The following NXPE4 variants were observed in gnomAD, a reference collection of about 807,000 sequenced individuals.
The protein encoded by NXPE4 is neurexophilin and PC-esterase domain family member 4, also known as NXPE family member 4.
A neutral mutation model predicts 33.3 loss-of-function variants in NXPE4; 42 were observed. The ratio of observed to expected loss-of-function variants is 1.26; its 90% CI spans 0.98 to 1.63. The LOEUF (loss-of-function observed/expected upper bound fraction) is 1.63. Ranked by LOEUF, NXPE4 falls within the 40% of genes most tolerant of loss-of-function variation. The probability of loss-of-function intolerance (pLI) is 0.00; values close to 1 mark genes in which losing one functional copy is unlikely to be tolerated. For missense variants in NXPE4, 709 were observed against 647.6 expected (o/e 1.09, Z -1.03); for synonymous variants, 253 against 234.9 (o/e 1.08, Z -0.71).
chr11:114,645,978 A>G, the NXPE4 span, among the ~76,000 whole-genome samples: 3 of 152,084 alleles, frequency 2.0e-5, no homozygotes, highest in Non-Finnish European at 4.4e-5. Context: ...ATAGCCTTTG[A>G]CTCAGCATTT....
the NXPE4 span, among the ~76,000 whole-genome samples, chr11:114,611,535 T>C: frequency 6.6e-6 from 1 of 151,902 alleles, no homozygotes; most frequent in Admixed American, 6.6e-5. Flanking sequence ...ACCCGGTTTA[T>C]AATAAGTGTT....
the NXPE4 span, among the ~76,000 whole-genome samples, chr11:114,630,434 A>T: frequency 6.6e-6 from 1 of 151,874 alleles, no homozygotes; most frequent in Non-Finnish European, 1.5e-5. Flanking sequence ...AGTATTCCCT[A>T]TTTAATAAAT....
chr11:114,621,150 C>CT, the NXPE4 span, among the ~76,000 whole-genome samples: 13 of 152,306 alleles, frequency 8.5e-5, no homozygotes, highest in Admixed American at 3.9e-4. Context: ...TGGGTAAACA[C>CT]TGTTACCCAG....
chr11:114,623,096 T>A, the NXPE4 span, among the ~76,000 whole-genome samples: 2 of 152,116 alleles, frequency 1.3e-5, no homozygotes, highest in Non-Finnish European at 2.9e-5. Flanking sequence ...ATAATTAGCG[T>A]TGCCTGGCGG....
chr11:114,654,065 C>A, the NXPE4 span, among the ~76,000 whole-genome samples: 1 of 152,092 alleles, frequency 6.6e-6, no homozygotes, highest in African/African-American at 2.4e-5. Context: ...GACAATGATA[C>A]AAAGTGGTGA....
chr11:114,594,973 A>C (rs951672972), intron 1 of NXPE4, among the ~76,000 whole-genome samples: 2 of 152,180 alleles, frequency 1.3e-5, no homozygotes, highest in Middle Eastern at 3.4e-3. Context: ...TGTACATTCT[A>C]CAGAACAGAT....
chr11:114,591,242 G>A (rs1001195665), intron 2 of NXPE4, among the ~76,000 whole-genome samples: 1 of 152,276 alleles, frequency 6.6e-6, no homozygotes, highest in East Asian at 1.9e-4. Context: ...CTTGAATTAA[G>A]CAAGGGAAAG....
intron 5 of NXPE4, among the ~76,000 whole-genome samples, chr11:114,573,135 T>C (rs1281408171): frequency 6.6e-6 from 1 of 152,108 alleles, no homozygotes; most frequent in African/African-American, 2.4e-5. Flanking sequence ...GAAGAAAAGA[T>C]AGTCTTTTCG....
chr11:114,659,947 G>A, the NXPE4 span, among the ~76,000 whole-genome samples: 1 of 152,154 alleles, frequency 6.6e-6, no homozygotes, highest in Non-Finnish European at 1.5e-5. Context: ...GGCACAAAGT[G>A]TCAGAAATGA....
chr11:114,629,094 C>A, the NXPE4 span, among the ~76,000 whole-genome samples: 1 of 152,016 alleles, frequency 6.6e-6, no homozygotes, highest in African/African-American at 2.4e-5. Flanking sequence ...ACCAGAGGTA[C>A]AAGGAGGAAC....
chr11:114,598,910 T>C (rs866378318), upstream of NXPE4, among the ~76,000 whole-genome samples: 1 of 152,362 alleles, frequency 6.6e-6, no homozygotes, highest in Middle Eastern at 3.4e-3. Context: ...TGCACTCTTT[T>C]TGCATTTGGC....
the NXPE4 span, among the ~76,000 whole-genome samples, chr11:114,611,597 G>T: frequency 6.6e-6 from 1 of 151,648 alleles, no homozygotes; most frequent in African/African-American, 2.4e-5. Context: ...TGTGTCGTGG[G>T]TCACAATTCT....
At chr11:114,571,542 T>C (rs1414445012) in intron 5 of NXPE4, 69 bp from the exon 6 acceptor site, 12 of 1,336,290 alleles carry the variant, frequency 9.0e-6, no homozygotes, top group African/African-American at 1.5e-5. Context: ...GATATAAAGA[T>C]GGAAGAGATT....
chr11:114,653,791 G>T, the NXPE4 span, among the ~76,000 whole-genome samples: 5 of 152,100 alleles, frequency 3.3e-5, no homozygotes, highest in South Asian at 8.3e-4. Context: ...GCCTCCCAAA[G>T]TGCTGGGATT....
chr11:114,582,321 T>TA lies in NXPE4; in HGVS notation c.796dup (p.Tyr266LeufsTer3), dbSNP rs772466532. Reference sequence around the variant, plus strand: ...GAGGCTCTTTTCTTGTTTGCTAAGATAAGAAACTTTCTTGTTCTTAGAATA... The same window carrying TA: ...GAGGCTCTTTTCTTGTTTGCTAAGATAAAGAAACTTTCTTGTTCTTAGAATA... On this transcript the variant is annotated frameshift_variant, in exon 3 of 6. Transcript: ENST00000375478. LOFTEE classifies it high-confidence loss of function. 1 of 1,594,216 alleles carries TA rather than the reference T, an allele frequency of 6.3e-7. No homozygotes were observed. The highest frequency in any genetic ancestry group is 1.1e-5 in the South Asian group (1 of 88,442).
chr11:114,639,867 T>G, the NXPE4 span, among the ~76,000 whole-genome samples: 4 of 44,888 alleles, frequency 8.9e-5, no homozygotes, highest in Non-Finnish European at 1.1e-4. Flanking sequence ...TATTATATTT[T>G]ATATTAAATA....
chr11:114,670,476 T>C, the NXPE4 span, among the ~76,000 whole-genome samples: 3 of 151,832 alleles, frequency 2.0e-5, no homozygotes, highest in Non-Finnish European at 2.9e-5. Flanking sequence ...GTAGGATCCC[T>C]TGAGGCTAGG....
intron 5 of NXPE4, among the ~76,000 whole-genome samples, chr11:114,572,458 TA>T (rs1170165706): frequency 6.6e-6 from 1 of 151,950 alleles, no homozygotes; most frequent in African/African-American, 2.4e-5. Context: ...CAACTTAAAT[TA>T]AAAACATGAT....
At chr11:114,630,272 A>G in the NXPE4 span, among the ~76,000 whole-genome samples, 1 of 151,882 alleles carries the variant, frequency 6.6e-6, no homozygotes, top group African/African-American at 2.4e-5. Flanking sequence ...ACTTCAAACT[A>G]TACTAAAAGG....
Sources: allele counts gnomAD v4.1 joint callset (sites outside exome capture counted in the v4.1 genomes callset), GRCh38; gene constraint gnomAD v4.1.1; transcripts MANE v1.5; gene names NCBI Gene and HGNC (gene_info 2026-07-23, HGNC 2026-07-21).